The following TFDP1 variants were observed in gnomAD, a reference collection of about 807,000 sequenced individuals.
TFDP1 encodes DRTF1-polypeptide 1.
In TFDP1, 6 loss-of-function variants were observed where a neutral mutation model predicts 48.0. The observed-to-expected ratio is 0.13, with a 90% CI of 0.07 to 0.25. TFDP1 has a LOEUF of 0.25. TFDP1 is among the 10% of genes least tolerant of loss of function. The pLI is 1.00. For missense variants in TFDP1, 335 were observed against 543.0 expected (o/e 0.62, Z 3.81); for synonymous variants, 201 against 211.6 (o/e 0.95, Z 0.44).
Position 113,612,495 on chromosome 13 carries a change from G to C in TFDP1, c.79+1433G>C, listed in dbSNP as rs2048732059. On this transcript the variant is annotated intron_variant, in intron 3 of 11. Coordinates refer to ENST00000375370, the MANE Select transcript of TFDP1 (RefSeq NM_007111.5). ...TCATTTGAGGATTCACAGATTGCTT[G>C]AGAGAAATATCGTTTTAGTGTAACT... Among the ~76,000 whole-genome samples the C allele has an allele frequency of 2.6e-5, 4 of 152,366 alleles. No individual in the cohort carries two copies. The South Asian group carries it at 6.2e-4, about 24-fold the overall frequency.
chr13:113,599,521 C>G (rs1397115311), intron 2 of TFDP1, among the ~76,000 whole-genome samples: 1 of 152,244 alleles, frequency 6.6e-6, no homozygotes, highest in Non-Finnish European at 1.5e-5. Flanking sequence ...GCTGCCCTGG[C>G]TGAATGTTCA....
intron 3 of TFDP1, 56 bp downstream of exon 3, chr13:113,611,118 A>G (rs566283240): frequency 5.4e-6 from 8 of 1,490,452 alleles, no homozygotes; most frequent in Non-Finnish European, 7.5e-6. Context: ...GAAGCTTCAC[A>G]TGTTTATGAA....
At chr13:113,636,240 T>G in intron 9 of TFDP1, 112 bp downstream of exon 9, 1 of 1,388,008 alleles carries the variant, frequency 7.2e-7, no homozygotes, top group Non-Finnish European at 9.9e-7. Context: ...ATAGCAAATG[T>G]TGCACAAATT....
At chr13:113,601,690 C>G (rs945300500) in intron 2 of TFDP1, among the ~76,000 whole-genome samples, 2 of 152,216 alleles carry the variant, frequency 1.3e-5, no homozygotes, top group African/African-American at 2.4e-5. Context: ...AGGCCCGGCC[C>G]CAGAGGAAGG....
chr13:113,598,687 G>T lies in TFDP1; in HGVS notation c.13-12309G>T, dbSNP rs916929070. ...TGTTGCCCTCCTGGGTGGAGTCTGCGTCCCCCTTTCCTGGTCATTTAAGTT... is the reference window on the plus strand; with the variant it reads ...TGTTGCCCTCCTGGGTGGAGTCTGCTTCCCCCTTTCCTGGTCATTTAAGTT... On this transcript the variant is annotated intron_variant, in intron 2 of 11. Transcript: ENST00000375370. This position sits in a 1 kb window ranked among gnomAD's most constrained non-coding sequence, Gnocchi z 4.2. 6.6e-6 allele frequency among the ~76,000 whole-genome samples: 1 copy of T among 152,192 alleles called. No homozygotes were observed. Among genetic ancestry groups the T allele is most frequent in the Non-Finnish European group, 1.5e-5 (1 of 68,022 alleles).
At chr13:113,602,747 T>C (rs937576328) in intron 2 of TFDP1, among the ~76,000 whole-genome samples, 1 of 152,132 alleles carries the variant, frequency 6.6e-6, no homozygotes, top group Non-Finnish European at 1.5e-5. Context: ...CTGAGAAGTG[T>C]GCGGCCCTGG....
At chr13:113,611,602 G>A (rs1220969974) in intron 3 of TFDP1, among the ~76,000 whole-genome samples, 1 of 151,508 alleles carries the variant, frequency 6.6e-6, no homozygotes, top group African/African-American at 2.4e-5. Context: ...AGGGTCCCAC[G>A]GTTGGTAGTT....
chr13:113,593,552 TGC>T (rs2140292363), intron 2 of TFDP1, among the ~76,000 whole-genome samples: 1 of 87,912 alleles, frequency 1.1e-5, no homozygotes, highest in African/African-American at 5.6e-5. Flanking sequence ...GTGTGGTGTG[TGC>T]GGGTCCTCAG....
At chr13:113,634,740 T>TATGAGATGAA in intron 8 of TFDP1, 138 bp downstream of exon 8, 1 of 679,388 alleles carries the variant, frequency 1.5e-6, no homozygotes, top group Non-Finnish European at 2.5e-6. Flanking sequence ...TGTGAGTTCA[T>TATGAGATGAA]CTCATAGGTG....
intron 10 of TFDP1, among the ~76,000 whole-genome samples, 164 bp downstream of exon 10, chr13:113,636,864 G>A (rs747911966): frequency 3.5e-4 from 52 of 150,000 alleles, no homozygotes; most frequent in Non-Finnish European, 5.0e-4. Flanking sequence ...GAGGGCAGGG[G>A]TGTGGCTGGG....
chr13:113,638,031 T>A, intron 11 of TFDP1, 135 bp downstream of exon 11: 1 of 1,189,124 alleles, frequency 8.4e-7, no homozygotes, highest in Non-Finnish European at 1.2e-6. Flanking sequence ...GTCCAGGCAG[T>A]GGGGCCCCGC....
chr13:113,586,145 A>C, intron 2 of TFDP1: 1 of 293,706 alleles, frequency 3.4e-6, no homozygotes, highest in Non-Finnish European at 6.3e-6. Flanking sequence ...AATTTTAAAT[A>C]AACGCCTTAA....
chr13:113,590,000 A>G (rs1048820109), intron 2 of TFDP1, among the ~76,000 whole-genome samples: 3 of 152,228 alleles, frequency 2.0e-5, no homozygotes, highest in Non-Finnish European at 4.4e-5. Flanking sequence ...ATCAAACATT[A>G]CAGGGATGCT....
chr13:113,625,698 C>T lies in TFDP1; in HGVS notation c.186+2412C>T, dbSNP rs1480600980. ...GCGTCTCTCACGTGTCCTCAGGTGT[C>T]TCTCAGGCGTCTCTCACATGTCTTC... On this transcript the variant is annotated intron_variant, in intron 4 of 11. Transcript: ENST00000375370. Among the ~76,000 whole-genome samples the T allele has an allele frequency of 4.2e-5, 5 of 119,740 alleles. No homozygotes were observed. The East Asian group carries it at 8.3e-4, about 20-fold the overall frequency. The allele number at this position is 119,740 out of a possible 152,430, so 78.6% of individuals were successfully genotyped here.
At chr13:113,602,737 C>T (rs895234686) in intron 2 of TFDP1, among the ~76,000 whole-genome samples, 2 of 152,182 alleles carry the variant, frequency 1.3e-5, no homozygotes, top group Non-Finnish European at 2.9e-5. Flanking sequence ...AGGGTCCCCC[C>T]TGAGAAGTGT....
rs2049381458 is a variant in TFDP1, at chr13:113,633,122, A to G, written c.311A>G (p.Lys104Arg). 2 of 1,613,382 alleles carry G rather than the reference A, an allele frequency of 1.2e-6. No individual in the cohort carries two copies. The highest frequency in any genetic ancestry group is 1.7e-6 in the Non-Finnish European group (2 of 1,179,416). ...CTCTTTTCCTTTGTATTTTGAAGGA[A>G]GCGCAACAGGAAAGGAGAGAAGAAT... ...PSDSSPWSAG[K>R]RNRKGEKNGK... Residue 104 changes from lysine to arginine, a missense_variant and splice_region_variant, in exon 6 of 12, where the codon AAG (lysine) becomes AGG (arginine). Physicochemically the swap from Lys to Arg is conservative, Grantham distance 26. Coordinates refer to ENST00000375370, the MANE Select transcript of TFDP1 (RefSeq NM_007111.5). This position sits in a 1 kb window ranked among gnomAD's most constrained non-coding sequence, Gnocchi z 4.5.
chr13:113,630,015 C>T (rs1186497698), intron 4 of TFDP1, among the ~76,000 whole-genome samples: 1 of 152,190 alleles, frequency 6.6e-6, no homozygotes, highest in Non-Finnish European at 1.5e-5. Flanking sequence ...GGTTCTCAGT[C>T]TGACATCAAC....
chr13:113,637,661 C>T, intron 10 of TFDP1, 157 bp from the exon 11 acceptor site: 1 of 1,541,674 alleles, frequency 6.5e-7, no homozygotes, highest in Non-Finnish European at 8.7e-7. Context: ...ATGTCCTGCT[C>T]CGTGGCGCAG....
At chr13:113,616,763 A>T (rs932205119) in intron 3 of TFDP1, among the ~76,000 whole-genome samples, 2 of 152,106 alleles carry the variant, frequency 1.3e-5, no homozygotes, top group African/African-American at 4.8e-5. Context: ...TTGCCCCCCG[A>T]CACACGCACT....
Sources: gnomAD v4.1 joint callset for allele counts (sites outside exome capture counted in the v4.1 genomes callset) on GRCh38, gnomAD v4.1.1 for gene constraint, Gnocchi (gnomAD v3.1) non-coding constraint, MANE v1.5 for transcripts, NCBI Gene and HGNC (gene_info 2026-07-23, HGNC 2026-07-21) for gene names.